CDK14: variants seen among roughly 807,000 people sequenced by gnomAD.
The protein encoded by CDK14 is cyclin dependent kinase 14, also known as cyclin-dependent kinase 14.
In CDK14, 34 loss-of-function variants were observed where a neutral mutation model predicts 60.7. The ratio of observed to expected loss-of-function variants is 0.56; its 90% CI spans 0.43 to 0.75. The LOEUF is 0.75. Ranked by LOEUF, CDK14 falls within the 30% of genes least tolerant of loss-of-function variation. The pLI, the probability that CDK14 is intolerant of heterozygous loss-of-function variation, is 0.00. For missense variants in CDK14, 482 were observed against 564.1 expected, an observed-to-expected ratio of 0.85 and a Z score of 1.47; for synonymous variants, 197 against 203.7, an observed-to-expected ratio of 0.97 and a Z score of 0.28.
intron 11 of CDK14, among the ~76,000 whole-genome samples, chr7:91,068,806 TTAAAAAA>T (rs1798052844): frequency 1.5e-5 from 1 of 64,894 alleles, no homozygotes; most frequent in Admixed American, 2.3e-4. Context: ...ATACCTTATA[TTAAAAAA>T]AAAAAAAAAA....
At chr7:90,884,666 G>A (rs192962834) in intron 6 of CDK14, among the ~76,000 whole-genome samples, 15 of 152,194 alleles carry the variant, frequency 9.9e-5, no homozygotes, top group Non-Finnish European at 1.5e-4. Flanking sequence ...GAGGCATCAC[G>A]CTACCTGACT....
intron 5 of CDK14, among the ~76,000 whole-genome samples, chr7:90,862,039 GAAATGGACAAAA>G (rs1390301847): frequency 6.6e-6 from 1 of 152,084 alleles, no homozygotes; most frequent in Non-Finnish European, 1.5e-5. Flanking sequence ...GCTAAGTAGA[GAAATGGACAAAA>G]AATAAAATGA....
chr7:90,649,947 G>T (rs1287767697), intron 2 of CDK14, among the ~76,000 whole-genome samples: 7 of 152,180 alleles, frequency 4.6e-5, no homozygotes, highest in Admixed American at 3.9e-4. Flanking sequence ...ATAGTAGCAT[G>T]ATTTATAATC....
chr7:91,164,754 T>C (rs1231878727), intron 14 of CDK14, among the ~76,000 whole-genome samples: 1 of 152,190 alleles, frequency 6.6e-6, no homozygotes, highest in Non-Finnish European at 1.5e-5. Flanking sequence ...CAATATCCAG[T>C]TGTAGACTGT....
chr7:91,164,260 T>G (rs1801271078), intron 14 of CDK14, among the ~76,000 whole-genome samples: 1 of 152,158 alleles, frequency 6.6e-6, no homozygotes, highest in South Asian at 2.1e-4. Flanking sequence ...GATCCAAAAC[T>G]ATGAGGAAGT....
chr7:90,622,577 A>G (rs1799793914), intron 2 of CDK14, among the ~76,000 whole-genome samples: 1 of 152,220 alleles, frequency 6.6e-6, no homozygotes, highest in African/African-American at 2.4e-5. Context: ...TATAAAAATT[A>G]AAAGCATTTG....
intron 3 of CDK14, among the ~76,000 whole-genome samples, chr7:90,731,667 T>C (rs1224156954): frequency 2.0e-5 from 3 of 152,218 alleles, no homozygotes; most frequent in Admixed American, 6.5e-5. Context: ...ATAGGAATGC[T>C]TGTGATTTTT....
intron 6 of CDK14, among the ~76,000 whole-genome samples, chr7:90,896,181 G>C (rs749826734): frequency 2.0e-5 from 3 of 150,910 alleles, no homozygotes; most frequent in Non-Finnish European, 4.4e-5. Context: ...AAATTTTCTT[G>C]TTGATGCTCT....
chr7:91,075,747 G>C (rs986226658), intron 11 of CDK14, among the ~76,000 whole-genome samples: 2 of 152,172 alleles, frequency 1.3e-5, no homozygotes, highest in African/African-American at 2.4e-5. Context: ...AACTTCTTAA[G>C]CTGATAAGGA....
chr7:90,736,350 G>GTTT (rs869290471), intron 3 of CDK14, among the ~76,000 whole-genome samples: 25 of 50,300 alleles, frequency 5.0e-4, no homozygotes, highest in South Asian at 8.5e-4. Context: ...TTATGTTTTT[G>GTTT]TTTTTTTTTT....
chr7:91,090,910 A>G (rs1308986586), intron 12 of CDK14, among the ~76,000 whole-genome samples: 5 of 152,010 alleles, frequency 3.3e-5, no homozygotes, highest in East Asian at 3.9e-4. Context: ...GTTCCTAAAT[A>G]TAGAAACACA....
intron 14 of CDK14, 98 bp downstream of exon 14, chr7:91,118,306 T>C (rs1799673967): frequency 1.6e-6 from 1 of 606,588 alleles, no homozygotes; most frequent in South Asian, 2.1e-5. Flanking sequence ...CCAACTATCC[T>C]ATGAGTCTCT....
intron 6 of CDK14, among the ~76,000 whole-genome samples, chr7:90,874,833 CT>C (rs1227418253): frequency 2.0e-5 from 3 of 152,054 alleles, no homozygotes; most frequent in Non-Finnish European, 4.4e-5. Context: ...CGGCCTCATC[CT>C]TTTTTTAATG....
chr7:90,826,288 G>A (rs967171399), intron 5 of CDK14, among the ~76,000 whole-genome samples: 6 of 152,002 alleles, frequency 3.9e-5, no homozygotes, highest in African/African-American at 9.7e-5. Flanking sequence ...GCGTGATCTC[G>A]GCTCACTGCA....
intron 5 of CDK14, among the ~76,000 whole-genome samples, chr7:90,838,072 C>T (rs1474891132): frequency 6.6e-6 from 1 of 152,104 alleles, no homozygotes; most frequent in Non-Finnish European, 1.5e-5. Flanking sequence ...TGCAGGAAGT[C>T]AGGGACCCCA....
intron 2 of CDK14, chr7:90,632,060 G>A (rs10247140): frequency 0.87 from 133,053 of 152,714 alleles, 58,046 homozygotes; most frequent in African/African-American, 0.9. Context: ...TAATTTTTCT[G>A]TTTACTCTTT....
chr7:90,898,114 A>G (rs1409833269), intron 6 of CDK14, among the ~76,000 whole-genome samples: 1 of 152,114 alleles, frequency 6.6e-6, no homozygotes, highest in Non-Finnish European at 1.5e-5. Context: ...TGAAATCTCT[A>G]GACCTCATTG....
intron 3 of CDK14, among the ~76,000 whole-genome samples, chr7:90,729,474 C>G (rs935393026): frequency 1.4e-5 from 2 of 147,076 alleles, no homozygotes; most frequent in Non-Finnish European, 3.0e-5. Flanking sequence ...ATTTTGATTG[C>G]CCTTATGGGT....
intron 4 of CDK14, among the ~76,000 whole-genome samples, chr7:90,778,649 C>T (rs966697222): frequency 1.3e-5 from 2 of 152,200 alleles, no homozygotes; most frequent in South Asian, 4.1e-4. Context: ...TCCACCCACA[C>T]CTCACTAGCT....
Sources: allele counts gnomAD v4.1 joint callset (sites outside exome capture counted in the v4.1 genomes callset), GRCh38; gene constraint gnomAD v4.1.1; transcripts MANE v1.5; gene names NCBI Gene and HGNC (gene_info 2026-07-23, HGNC 2026-07-21).